Variants in DIAPH1 observed in about 807,000 individuals in gnomAD.
DIAPH1 encodes the protein diaphanous related formin 1.
DIAPH1 carries 46 observed loss-of-function variants against 140.7 expected under a neutral mutation model. The ratio of observed to expected loss-of-function variants is 0.33; its 90% CI spans 0.26 to 0.42. The LOEUF (loss-of-function observed/expected upper bound fraction) is 0.42. Ranked by LOEUF, DIAPH1 falls within the 10% of genes least tolerant of loss-of-function variation. DIAPH1 has a pLI of 1.00. For synonymous variants in DIAPH1, 565 were observed against 551.6 expected (o/e 1.02, Z -0.34); for missense variants, 1,310 against 1,558.7 (o/e 0.84, Z 2.69).
intron 27 of DIAPH1, among the ~76,000 whole-genome samples, chr5:141,519,380 A>ATGTG (rs373188966): frequency 2.7e-5 from 4 of 150,870 alleles, no homozygotes; most frequent in African/African-American, 9.7e-5. Flanking sequence ...GACTCTGTGC[A>ATGTG]TGTGTGTGTG....
intron 1 of DIAPH1, among the ~76,000 whole-genome samples, chr5:141,617,645 A>G (rs1181765943): frequency 6.6e-6 from 1 of 152,216 alleles, no homozygotes; most frequent in Non-Finnish European, 1.5e-5. Flanking sequence ...AGAGAAGACA[A>G]AAGAGCTACA....
chr5:141,528,350 T>C, intron 23 of DIAPH1, 103 bp downstream of exon 23: 1 of 1,544,962 alleles, frequency 6.5e-7, no homozygotes, highest in Non-Finnish European at 8.9e-7. Context: ...TCATTTCCAC[T>C]TGAAATAGTC....
At chr5:141,557,537 A>T (rs915000370) in intron 18 of DIAPH1, among the ~76,000 whole-genome samples, 2 of 152,168 alleles carry the variant, frequency 1.3e-5, no homozygotes, top group African/African-American at 4.8e-5. Context: ...CTTCCCAGAC[A>T]GCTAAGTGAA....
At chr5:141,609,355 G>A (rs1175511199) in intron 1 of DIAPH1, among the ~76,000 whole-genome samples, 1 of 152,098 alleles carries the variant, frequency 6.6e-6, no homozygotes, top group Admixed American at 6.5e-5. Flanking sequence ...TAGTTACACT[G>A]CAGTCCAGTT....
At chr5:141,618,581 C>A in intron 1 of DIAPH1, 2 of 463,656 alleles carry the variant, frequency 4.3e-6, no homozygotes, top group Non-Finnish European at 8.0e-6. Context: ...CGAGGGAAGC[C>A]CCGAGGTGGC....
At chr5:141,595,013 C>G (rs1408888529) in intron 1 of DIAPH1, among the ~76,000 whole-genome samples, 1 of 150,476 alleles carries the variant, frequency 6.6e-6, no homozygotes, top group African/African-American at 2.5e-5. Flanking sequence ...TGCACTCCAG[C>G]CTGGGCGACA....
intron 1 of DIAPH1, among the ~76,000 whole-genome samples, chr5:141,610,209 G>A (rs1031705841): frequency 7.9e-5 from 12 of 152,102 alleles, no homozygotes; most frequent in African/African-American, 2.7e-4. Flanking sequence ...ATGGCTCACT[G>A]CAACCTCCGT....
In DIAPH1 at chr5:141,529,858, C is replaced by T. The variant is rs1385916284; in HGVS notation, c.2582-161G>A. Among the ~76,000 whole-genome samples, 6 of 152,020 alleles carry T rather than the reference C, an allele frequency of 3.9e-5. No homozygotes were observed. In the South Asian group the frequency reaches 6.2e-4, roughly 16 times the overall value. On this transcript the variant is annotated intron_variant, in intron 19 of 27. Transcript: ENST00000389054. ...CAGCACTTCGGGAGGCCAAGGTGGG[C>T]GGATCGCTTGAGCCCCAGAGTTTGA...
In DIAPH1 at chr5:141,516,546, G is replaced by T; in HGVS notation, c.*305C>A. ...GCAGGCTGGGCCTTGTCTGAGATGAGGCCCTCTGAGTAACAGAGAGGAGAC... is the reference window on the plus strand; with the variant it reads ...GCAGGCTGGGCCTTGTCTGAGATGATGCCCTCTGAGTAACAGAGAGGAGAC... On this transcript the variant is annotated 3_prime_UTR_variant, in exon 28 of 28. Coordinates refer to ENST00000389054, the MANE Select transcript of DIAPH1 (RefSeq NM_005219.5). The T allele has an allele frequency of 2.3e-6, 1 of 434,866 alleles. No homozygotes were observed. The allele number at this position is 434,866 out of a possible 1,614,324, so 26.9% of individuals were successfully genotyped here. A position where few individuals can be genotyped will look rare whatever the true frequency, so the allele number is the denominator to read the frequency against.
chr5:141,581,157 T>C (rs1250291422), intron 7 of DIAPH1, among the ~76,000 whole-genome samples: 3 of 152,120 alleles, frequency 2.0e-5, no homozygotes, highest in Admixed American at 6.5e-5. Context: ...TATGGATACA[T>C]ACAGAGGGAG....
intron 18 of DIAPH1, 175 bp from the exon 19 acceptor site, chr5:141,534,608 C>T (rs1012363151): frequency 6.4e-6 from 4 of 623,228 alleles, no homozygotes; most frequent in Admixed American, 2.8e-5. Context: ...TACTGAACCT[C>T]CCCCAACTCT....
intron 17 of DIAPH1, chr5:141,571,723 C>T (rs1229744810): frequency 1.4e-6 from 1 of 696,964 alleles, no homozygotes; most frequent in African/African-American, 1.8e-5. Flanking sequence ...CTACATACAA[C>T]AGTTCTCTTT....
At chr5:141,609,688 C>T (rs2099901518) in intron 1 of DIAPH1, among the ~76,000 whole-genome samples, 1 of 152,158 alleles carries the variant, frequency 6.6e-6, no homozygotes, top group Non-Finnish European at 1.5e-5. Flanking sequence ...ATTCCCTATC[C>T]TAGTCTGGAA....
chr5:141,556,807 T>G (rs1397403422), intron 18 of DIAPH1, among the ~76,000 whole-genome samples: 13 of 152,206 alleles, frequency 8.5e-5, no homozygotes, highest in Admixed American at 8.5e-4. Flanking sequence ...TTCTCCTGCC[T>G]CAGCCTCCCG....
chr5:141,575,227 T>A, intron 14 of DIAPH1, 81 bp from the exon 15 acceptor site: 1 of 1,452,270 alleles, frequency 6.9e-7, no homozygotes, highest in Non-Finnish European at 9.7e-7. Flanking sequence ...TAATTCTCCC[T>A]ACCTCCTCTT....
intron 1 of DIAPH1, among the ~76,000 whole-genome samples, chr5:141,605,391 C>T (rs1474172758): frequency 2.0e-5 from 3 of 151,990 alleles, no homozygotes; most frequent in South Asian, 4.1e-4. Context: ...AGGGTTCTTA[C>T]GTATTGTTTC....
chr5:141,553,828 G>A (rs1000367028), intron 18 of DIAPH1, among the ~76,000 whole-genome samples: 1 of 152,234 alleles, frequency 6.6e-6, no homozygotes, highest in Non-Finnish European at 1.5e-5. Flanking sequence ...GGGGATTCAC[G>A]AAGCCAACAG....
At chr5:141,618,572 G>T in intron 1 of DIAPH1, 2 of 448,390 alleles carry the variant, frequency 4.5e-6, no homozygotes, top group Non-Finnish European at 8.3e-6. Context: ...GCTGGGGAAC[G>T]AGGGAAGCCC....
intron 1 of DIAPH1, among the ~76,000 whole-genome samples, chr5:141,601,626 C>G (rs1279549917): frequency 6.6e-6 from 1 of 152,128 alleles, no homozygotes; most frequent in Non-Finnish European, 1.5e-5. Flanking sequence ...TTTGTTGTAA[C>G]TTTTTCTGTG....
Sources: gnomAD v4.1 joint callset for allele counts (sites outside exome capture counted in the v4.1 genomes callset) on GRCh38, gnomAD v4.1.1 for gene constraint, MANE v1.5 for transcripts, NCBI Gene and HGNC (gene_info 2026-07-23, HGNC 2026-07-21) for gene names.